The following TENM4 variants were observed in gnomAD, a reference collection of about 807,000 sequenced individuals.
TENM4 encodes teneurin transmembrane protein 4.
In TENM4, 82 loss-of-function variants were observed where a neutral mutation model predicts 243.3. The observed-to-expected ratio is 0.34, with a 90% CI of 0.28 to 0.40. The LOEUF (loss-of-function observed/expected upper bound fraction) is 0.40, where lower values mean the gene tolerates loss of function less well. Among genes scored for constraint, TENM4 ranks in the 10% least tolerant of loss-of-function variants. TENM4 has a pLI of 1.00. For missense variants in TENM4, 3,138 were observed against 3,673.3 expected, an observed-to-expected ratio of 0.85 and a Z score of 3.77; for synonymous variants, 1,412 against 1,456.3, an observed-to-expected ratio of 0.97 and a Z score of 0.69.
At chr11:79,190,365 A>G (rs1332483744) in intron 3 of TENM4, among the ~76,000 whole-genome samples, 1 of 152,210 alleles carries the variant, frequency 6.6e-6, no homozygotes, top group African/African-American at 2.4e-5. Context: ...GTGAGATCAC[A>G]CGTGTAAATA....
chr11:79,139,777 A>AATATATATTATATATAT (rs1555016068), intron 4 of TENM4, among the ~76,000 whole-genome samples: 1 of 26,796 alleles, frequency 3.7e-5, no homozygotes, highest in Non-Finnish European at 6.1e-5. Flanking sequence ...ATAAATATAT[A>AATATATATTATATATAT]ATATATATTA....
intron 6 of TENM4, among the ~76,000 whole-genome samples, chr11:78,952,837 T>C (rs1857132305): frequency 2.0e-5 from 3 of 152,088 alleles, no homozygotes; most frequent in Admixed American, 2.0e-4. Flanking sequence ...GATGGGCAAC[T>C]GGGTAAGAGA....
At chr11:79,276,075 C>A (rs1280241156) in intron 2 of TENM4, among the ~76,000 whole-genome samples, 2 of 151,928 alleles carry the variant, frequency 1.3e-5, no homozygotes, top group Admixed American at 1.3e-4. Context: ...GGCATCTCAC[C>A]CACCCTCCTC....
intron 1 of TENM4, among the ~76,000 whole-genome samples, chr11:79,376,705 C>T (rs1186359768): frequency 6.6e-6 from 1 of 152,158 alleles, no homozygotes; most frequent in Non-Finnish European, 1.5e-5. Context: ...ATGTGTATGT[C>T]CCTCCCCCAG....
At position 78,770,873 on chromosome 11, in the gene TENM4, G is replaced by A. The variant is rs746177023; in HGVS notation, c.2539+119C>T. On this transcript the variant is annotated intron_variant, in intron 18 of 33. Transcript: ENST00000278550. Reference sequence around the variant, plus strand: ...TGTGCAGTTTTTTGCTTGCCCCGCAGGTCCCCCTGACTGGATGACTGGTGT... The same window carrying A: ...TGTGCAGTTTTTTGCTTGCCCCGCAAGTCCCCCTGACTGGATGACTGGTGT... 538 of 1,381,720 alleles carry A rather than the reference G, an allele frequency of 3.9e-4. 1 individual carries two copies. Among genetic ancestry groups the A allele is most frequent in the Middle Eastern group, 1.0e-3 (4 of 3,956 alleles). 85.6% of individuals were successfully genotyped at this position (1,381,720 alleles called of 1,614,324 possible).
chr11:78,934,552 A>G (rs145269718), intron 6 of TENM4, among the ~76,000 whole-genome samples: 6 of 152,274 alleles, frequency 3.9e-5, no homozygotes, highest in Admixed American at 1.3e-4. Flanking sequence ...CTCTGAGTCT[A>G]TGAAATCCAC....
At chr11:78,981,714 A>G (rs1445735852) in intron 6 of TENM4, among the ~76,000 whole-genome samples, 1 of 152,188 alleles carries the variant, frequency 6.6e-6, no homozygotes, top group African/African-American at 2.4e-5. Context: ...TGAGATAATA[A>G]ATGTTGAAGC....
In TENM4 at chr11:78,654,255, G is replaced by A. The variant is rs1857836635; in HGVS notation, c.*3803C>T. The A allele has an allele frequency of 6.6e-6, 1 of 152,184 alleles. No homozygotes were observed. Among genetic ancestry groups the A allele is most frequent in the Non-Finnish European group, 1.5e-5 (1 of 68,042 alleles). 9.4% of individuals were successfully genotyped at this position (152,184 alleles called of 1,614,324 possible). A position where few individuals can be genotyped will look rare whatever the true frequency, so the allele number is the denominator to read the frequency against. On this transcript the variant is annotated 3_prime_UTR_variant, in exon 34 of 34. Transcript: ENST00000278550. ...TGGAGAATAGCCTGGACTTTGAGCA[G>A]TGGATGCTCAAATCCCCAAGCCTGA...
At chr11:78,958,975 T>C (rs1857263006) in intron 6 of TENM4, among the ~76,000 whole-genome samples, 1 of 152,232 alleles carries the variant, frequency 6.6e-6, no homozygotes, top group South Asian at 2.1e-4. Context: ...ACAACAACCT[T>C]GGAAGGTTTT....
At chr11:79,104,054 C>T (rs796126392) in intron 4 of TENM4, among the ~76,000 whole-genome samples, 8 of 152,278 alleles carry the variant, frequency 5.3e-5, no homozygotes, top group African/African-American at 1.9e-4. Flanking sequence ...TCTCTCTTCC[C>T]TATTTTTCTC....
intron 2 of TENM4, among the ~76,000 whole-genome samples, chr11:79,280,349 C>A (rs1396017629): frequency 6.6e-6 from 1 of 152,170 alleles, no homozygotes; most frequent in African/African-American, 2.4e-5. Flanking sequence ...AGTGGGCAGG[C>A]ATATCCTACT....
intron 3 of TENM4, among the ~76,000 whole-genome samples, chr11:79,185,572 A>G (rs1863366671): frequency 6.6e-6 from 1 of 152,192 alleles, no homozygotes; most frequent in African/African-American, 2.4e-5. Context: ...GGAGGAGACA[A>G]TCAATGTGGA....
chr11:78,926,217 G>A (rs562206938), intron 6 of TENM4, among the ~76,000 whole-genome samples: 211 of 151,424 alleles, frequency 1.4e-3, no homozygotes, highest in Admixed American at 2.2e-3. Context: ...AGAGATTAGA[G>A]TTCCTGTCTC....
intron 6 of TENM4, among the ~76,000 whole-genome samples, chr11:78,975,905 C>T (rs1241875980): frequency 6.6e-6 from 1 of 151,922 alleles, no homozygotes; most frequent in Admixed American, 6.6e-5. Flanking sequence ...ACCCTCATGC[C>T]CCTTGAAAGT....
At chr11:78,942,697 C>T (rs949093915) in intron 6 of TENM4, among the ~76,000 whole-genome samples, 24 of 151,600 alleles carry the variant, frequency 1.6e-4, no homozygotes, top group African/African-American at 5.8e-4. Flanking sequence ...AAAGGATGGT[C>T]TTGTTCTTGT....
At chr11:79,195,228 A>G (rs537931265) in intron 3 of TENM4, among the ~76,000 whole-genome samples, 2 of 152,320 alleles carry the variant, frequency 1.3e-5, no homozygotes, top group East Asian at 3.9e-4. Context: ...GCTTTCATGG[A>G]GAACCTCTGC....
chr11:78,756,181 C>G (rs1790541), intron 19 of TENM4: 124,407 of 152,906 alleles, frequency 0.81, 51,263 homozygotes, highest in Non-Finnish European at 0.88. Flanking sequence ...CTGTGCTCCA[C>G]AGTACCCTGG....
chr11:79,220,255 A>C (rs896669173), intron 2 of TENM4, among the ~76,000 whole-genome samples: 17 of 152,208 alleles, frequency 1.1e-4, no homozygotes, highest in African/African-American at 4.1e-4. Flanking sequence ...TTGTTTAAGG[A>C]AAATAAAAAG....
At chr11:78,686,073 A>G (rs562939094) in intron 29 of TENM4, among the ~76,000 whole-genome samples, 3 of 152,296 alleles carry the variant, frequency 2.0e-5, no homozygotes, top group Non-Finnish European at 4.4e-5. Context: ...TGTGGGTCAT[A>G]AGACGTACTT....
Sources: allele counts gnomAD v4.1 joint callset (sites outside exome capture counted in the v4.1 genomes callset), GRCh38; gene constraint gnomAD v4.1.1; transcripts MANE v1.5; gene names NCBI Gene and HGNC (gene_info 2026-07-23, HGNC 2026-07-21).